DPY19L4: variants seen among roughly 807,000 people sequenced by gnomAD.
DPY19L4 encodes probable C-mannosyltransferase DPY19L4.
A neutral mutation model predicts 102.8 loss-of-function variants in DPY19L4; 97 were observed. The ratio of observed to expected loss-of-function variants is 0.94; its 90% CI spans 0.80 to 1.12. DPY19L4 has a LOEUF of 1.12. DPY19L4 is among the 50% of genes most tolerant of loss of function. The pLI, the probability that DPY19L4 is intolerant of heterozygous loss-of-function variation, is 0.00. For missense variants in DPY19L4, 815 were observed against 850.4 expected (o/e 0.96, Z 0.52); for synonymous variants, 252 against 283.1 (o/e 0.89, Z 1.10).
At chr8:94,769,186 C>T (rs1397906790) in intron 12 of DPY19L4, among the ~76,000 whole-genome samples, 1 of 149,354 alleles carries the variant, frequency 6.7e-6, no homozygotes, top group Non-Finnish European at 1.5e-5. Flanking sequence ...CTCAGCCTCC[C>T]GAGTAGCTGG....
intron 16 of DPY19L4, 139 bp from the exon 17 acceptor site, chr8:94,783,531 T>A: frequency 8.2e-7 from 1 of 1,218,700 alleles, no homozygotes; most frequent in Non-Finnish European, 1.1e-6. Context: ...AATCCATGAA[T>A]GAAATGAAAT....
At chr8:94,763,023 A>T (rs1256559043) in intron 8 of DPY19L4, among the ~76,000 whole-genome samples, 1 of 150,816 alleles carries the variant, frequency 6.6e-6, no homozygotes, top group African/African-American at 2.4e-5. Flanking sequence ...ATCTCAGCTC[A>T]CTGCAACCTC....
chr8:94,742,824 C>G (rs1050197120), intron 6 of DPY19L4, among the ~76,000 whole-genome samples: 1 of 151,952 alleles, frequency 6.6e-6, no homozygotes, highest in East Asian at 1.9e-4. Flanking sequence ...TCCCAAAGTG[C>G]TGGGATTATA....
At chr8:94,749,793 C>T (rs1811838033) in intron 6 of DPY19L4, among the ~76,000 whole-genome samples, 1 of 152,154 alleles carries the variant, frequency 6.6e-6, no homozygotes, top group Admixed American at 6.5e-5. Flanking sequence ...TGAAGAAGAA[C>T]TTCTCTATTC....
Position 94,781,171 on chromosome 8 carries a change from G to T in DPY19L4, c.1715+5G>T. On this transcript the variant is annotated splice_donor_5th_base_variant and intron_variant, in intron 16 of 18. Transcript: ENST00000414645. ...GGAACTTATGACCTGGATAAAGTAA[G>T]GATTGAAGTGCCCAAGACTATTATT... is the stretch of plus-strand genomic sequence containing the variant. 1 of 1,578,642 alleles carries T rather than the reference G, an allele frequency of 6.3e-7. No homozygotes were observed. The highest frequency in any genetic ancestry group is 1.2e-5 in the South Asian group (1 of 82,742).
intron 3 of DPY19L4, among the ~76,000 whole-genome samples, chr8:94,736,650 G>T (rs544242411): frequency 4.6e-5 from 7 of 152,072 alleles, no homozygotes; most frequent in Non-Finnish European, 1.0e-4. Flanking sequence ...GCCTCCTAAG[G>T]TGATTTTTAC....
chr8:94,761,654 G>A (rs555635846), intron 7 of DPY19L4, 46 bp from the exon 8 acceptor site: 1 of 1,513,978 alleles, frequency 6.6e-7, no homozygotes, highest in East Asian at 2.3e-5. Context: ...GGCTTTTATT[G>A]TAATAAAGTT....
intron 1 of DPY19L4, among the ~76,000 whole-genome samples, chr8:94,720,822 C>A (rs1810422975): frequency 6.6e-6 from 1 of 152,130 alleles, no homozygotes; most frequent in Non-Finnish European, 1.5e-5. Flanking sequence ...CATGATAACC[C>A]CTACTAGTTT....
intron 6 of DPY19L4, among the ~76,000 whole-genome samples, chr8:94,752,208 T>C (rs1811963700): frequency 6.6e-6 from 1 of 152,194 alleles, no homozygotes; most frequent in African/African-American, 2.4e-5. Context: ...ATTTCCCTGA[T>C]GATTAATGAT....
chr8:94,744,336 T>TC (rs1277426100), intron 6 of DPY19L4: 14 of 456,416 alleles, frequency 3.1e-5, no homozygotes, highest in Non-Finnish European at 5.7e-5. Flanking sequence ...TATGGGCCTC[T>TC]CCATAGGGCA....
chr8:94,762,613 A>T (rs1026389081), intron 8 of DPY19L4, among the ~76,000 whole-genome samples: 7 of 152,128 alleles, frequency 4.6e-5, no homozygotes, highest in African/African-American at 1.7e-4. Flanking sequence ...CAAAAATAGA[A>T]CGTAAGCCAG....
intron 1 of DPY19L4, among the ~76,000 whole-genome samples, chr8:94,723,404 C>T (rs190286693): frequency 0.012 from 1,810 of 151,042 alleles, 24 homozygotes; most frequent in Non-Finnish European, 0.017. Flanking sequence ...ACCCGGGAGG[C>T]GGAGGTTGTA....
At chr8:94,774,394 A>G (rs1813075502) in intron 13 of DPY19L4, among the ~76,000 whole-genome samples, 3 of 151,256 alleles carry the variant, frequency 2.0e-5, no homozygotes, top group South Asian at 2.1e-4. Flanking sequence ...ATAACATAAA[A>G]TCTACCATCT....
At chr8:94,769,447 C>T (rs1812826082) in intron 12 of DPY19L4, among the ~76,000 whole-genome samples, 1 of 152,008 alleles carries the variant, frequency 6.6e-6, no homozygotes, top group South Asian at 2.1e-4. Context: ...TTTAAATAAT[C>T]AGTTAAACTT....
At chr8:94,731,325 G>A (rs1810944543) in intron 2 of DPY19L4, among the ~76,000 whole-genome samples, 1 of 152,180 alleles carries the variant, frequency 6.6e-6, no homozygotes, top group African/African-American at 2.4e-5. Flanking sequence ...AGGTATGCTT[G>A]TGTAGCATAA....
intron 18 of DPY19L4, among the ~76,000 whole-genome samples, chr8:94,789,309 A>T (rs1288456479): frequency 2.0e-5 from 3 of 152,200 alleles, no homozygotes; most frequent in African/African-American, 7.2e-5. Flanking sequence ...CTTAGTGAAC[A>T]TCATTCGGTG....
chr8:94,787,958 C>G lies in DPY19L4; in HGVS notation c.1913C>G (p.Ala638Gly). ...DIYKILTSYKANYLIVEDAIC... is the reference protein window; with the variant it reads ...DIYKILTSYKGNYLIVEDAIC... ...TATAAAATACTGACATCTTACAAAG[C>G]TAATTACCTAATTGTAGAGGATGCT... Residue 638 changes from alanine (A) to glycine (G), a missense_variant, in exon 18 of 19, where the codon GCT becomes GGT. Transcript: ENST00000414645. The G allele has an allele frequency of 1.3e-6, 2 of 1,517,298 alleles. No individual in the cohort carries two copies. The highest frequency in any genetic ancestry group is 1.8e-6 in the Non-Finnish European group (2 of 1,132,266). The allele number at this position is 1,517,298 out of a possible 1,614,324, so 94.0% of individuals were successfully genotyped here.
At chr8:94,724,540 A>G (rs1810604284) in intron 1 of DPY19L4, among the ~76,000 whole-genome samples, 1 of 152,296 alleles carries the variant, frequency 6.6e-6, no homozygotes, top group South Asian at 2.1e-4. Context: ...AGAAATACTC[A>G]AAGTCTGGGG....
At chr8:94,725,514 G>T (rs1161058885) in intron 1 of DPY19L4, among the ~76,000 whole-genome samples, 4 of 152,164 alleles carry the variant, frequency 2.6e-5, no homozygotes, top group African/African-American at 9.7e-5. Context: ...TGTAGGTTCA[G>T]CCTATTTTCT....
Sources: allele counts gnomAD v4.1 joint callset (sites outside exome capture counted in the v4.1 genomes callset), GRCh38; gene constraint gnomAD v4.1.1; transcripts MANE v1.5; gene names NCBI Gene and HGNC (gene_info 2026-07-23, HGNC 2026-07-21).